Variants in PAH observed in about 807,000 individuals in gnomAD.
The protein encoded by PAH is phenylalanine-4-hydroxylase.
PAH carries 64 observed loss-of-function variants against 62.0 expected under a neutral mutation model. That is an observed-to-expected ratio of 1.03 (90% CI 0.84 to 1.27). The LOEUF (loss-of-function observed/expected upper bound fraction) is 1.27, where lower values mean the gene tolerates loss of function less well. Ranked by LOEUF, PAH falls within the 50% of genes most tolerant of loss-of-function variation. The pLI, the probability that PAH is intolerant of heterozygous loss-of-function variation, is 0.00. For synonymous variants in PAH, 195 were observed against 196.2 expected, an observed-to-expected ratio of 0.99 and a Z score of 0.05; for missense variants, 579 against 542.8, an observed-to-expected ratio of 1.07 and a Z score of -0.66.
At chr12:102,911,658 A>G (rs1390146665) in intron 2 of PAH, among the ~76,000 whole-genome samples, 4 of 152,152 alleles carry the variant, frequency 2.6e-5, no homozygotes, top group Non-Finnish European at 5.9e-5. Flanking sequence ...CCCCTGTTAG[A>G]TCCTAAAGGA....
chr12:102,900,037 A>G (rs1592982014), intron 2 of PAH, among the ~76,000 whole-genome samples: 1 of 149,358 alleles, frequency 6.7e-6, no homozygotes, highest in South Asian at 2.1e-4. Flanking sequence ...AGTTTCCTAG[A>G]AACATTTATT....
At chr12:102,865,459 T>C (rs1009438663) in intron 5 of PAH, among the ~76,000 whole-genome samples, 6 of 152,278 alleles carry the variant, frequency 3.9e-5, no homozygotes, top group African/African-American at 1.4e-4. Context: ...TTATTGAGGC[T>C]AAACAAAATG....
At chr12:102,858,155 A>G (rs932522177) in intron 5 of PAH, among the ~76,000 whole-genome samples, 2 of 152,192 alleles carry the variant, frequency 1.3e-5, no homozygotes, top group African/African-American at 4.8e-5. Context: ...TGGAAAATGA[A>G]AAAAGGCAGG....
Position 102,912,777 on chromosome 12 carries a change from A to G in PAH, c.168+14T>C, listed in dbSNP as rs866065497. 1 of 1,543,456 alleles carries G rather than the reference A, an allele frequency of 6.5e-7. No individual in the cohort carries two copies. On this transcript the variant is annotated intron_variant, in intron 2 of 12. Coordinates refer to ENST00000553106, the MANE Select transcript of PAH (RefSeq NM_000277.3). ...TACGACATTATCCAAGACAAACATG[A>G]TTGTAGCACTGACCTCAAATAAGCG...
chr12:102,880,441 T>A (rs933735603), intron 3 of PAH, among the ~76,000 whole-genome samples: 3 of 152,156 alleles, frequency 2.0e-5, no homozygotes, highest in African/African-American at 7.2e-5. Context: ...GCCTGACTCT[T>A]TCCTCTATGT....
intron 3 of PAH, among the ~76,000 whole-genome samples, chr12:102,884,383 C>A (rs1297170918): frequency 6.6e-6 from 1 of 152,190 alleles, no homozygotes; most frequent in Non-Finnish European, 1.5e-5. Context: ...GGACCCCAGA[C>A]AAACTCAGTG....
At chr12:102,859,172 T>C (rs1334290889) in intron 5 of PAH, among the ~76,000 whole-genome samples, 2 of 152,066 alleles carry the variant, frequency 1.3e-5, no homozygotes, top group African/African-American at 4.8e-5. Context: ...AAATACAAAC[T>C]ACCATCAAGA....
chr12:102,852,787 C>G, intron 7 of PAH, 28 bp downstream of exon 7: 1 of 1,613,850 alleles, frequency 6.2e-7, no homozygotes, highest in African/African-American at 1.3e-5. Context: ...TTGTGCCTGG[C>G]AACTGGTAGC....
intron 3 of PAH, among the ~76,000 whole-genome samples, chr12:102,894,256 A>G (rs1877396847): frequency 6.6e-6 from 1 of 152,138 alleles, no homozygotes; most frequent in Non-Finnish European, 1.5e-5. Flanking sequence ...GATACTACTT[A>G]TTGGGTATTA....
chr12:102,879,319 A>T (rs1469511840), intron 3 of PAH, among the ~76,000 whole-genome samples: 1 of 151,668 alleles, frequency 6.6e-6, no homozygotes, highest in East Asian at 1.9e-4. Flanking sequence ...ATAAAACGTG[A>T]CTTTCAATCT....
chr12:102,908,872 A>C, intron 2 of PAH, among the ~76,000 whole-genome samples: 2 of 118,048 alleles, frequency 1.7e-5, no homozygotes, highest in African/African-American at 3.4e-5. Context: ...ACAGAGTTTC[A>C]CTCTCGCTGC....
chr12:102,855,740 C>G (rs563727654), intron 5 of PAH, among the ~76,000 whole-genome samples: 4 of 151,990 alleles, frequency 2.6e-5, no homozygotes, highest in Non-Finnish European at 5.9e-5. Flanking sequence ...GAATATATTC[C>G]CTTTCTAAAC....
intron 1 of PAH, among the ~76,000 whole-genome samples, chr12:102,924,013 C>G (rs2136741498): frequency 6.6e-6 from 1 of 152,320 alleles, no homozygotes; most frequent in Non-Finnish European, 1.5e-5. Flanking sequence ...GTTTCTACAC[C>G]TGCAAAATCC....
intron 2 of PAH, among the ~76,000 whole-genome samples, chr12:102,912,000 T>G (rs1878219284): frequency 6.6e-6 from 1 of 152,256 alleles, no homozygotes; most frequent in African/African-American, 2.4e-5. Context: ...CTGTGAAGTT[T>G]GGCTGCCCAG....
rs1266560863 is a variant in PAH at position 102,913,896 on chromosome 12, T to A, written c.61-998A>T. 5 of 699,924 alleles carry A rather than the reference T, an allele frequency of 7.1e-6. No homozygotes were observed. The Admixed American group carries it at 8.1e-5, about 11-fold the overall frequency. The allele number at this position is 699,924 out of a possible 1,614,324, so 43.4% of individuals were successfully genotyped here. On this transcript the variant is annotated intron_variant, in intron 1 of 12. Transcript: ENST00000553106. ...CTAAGTCGAAAAATAATACATAAAA[T>A]TCTATGTGTGTCCACAATAAGCAGC...
chr12:102,859,252 C>T (rs961426166), intron 5 of PAH, among the ~76,000 whole-genome samples: 7 of 152,268 alleles, frequency 4.6e-5, no homozygotes, highest in African/African-American at 1.7e-4. Flanking sequence ...TGGACACATA[C>T]ACCCTCCCAA....
intron 1 of PAH, among the ~76,000 whole-genome samples, chr12:102,939,174 A>T (rs1047904533): frequency 1.3e-5 from 2 of 151,622 alleles, no homozygotes; most frequent in African/African-American, 4.9e-5. Flanking sequence ...CCAGCTGAAC[A>T]TTTCCACTGA....
chr12:102,933,937 T>C (rs1879007683), intron 1 of PAH, among the ~76,000 whole-genome samples: 1 of 152,168 alleles, frequency 6.6e-6, no homozygotes, highest in South Asian at 2.1e-4. Flanking sequence ...CAAAAGCATT[T>C]TTAACTTGAT....
chr12:102,880,608 T>A (rs1329510113), intron 3 of PAH, among the ~76,000 whole-genome samples: 5 of 152,156 alleles, frequency 3.3e-5, no homozygotes, highest in Admixed American at 1.3e-4. Flanking sequence ...CAACCCCTTC[T>A]TACTTAGGGG....
Sources: gnomAD v4.1 joint callset for allele counts (sites outside exome capture counted in the v4.1 genomes callset) on GRCh38, gnomAD v4.1.1 for gene constraint, MANE v1.5 for transcripts, NCBI Gene and HGNC (gene_info 2026-07-23, HGNC 2026-07-21) for gene names.